Variants in NOX3 observed in about 807,000 individuals in gnomAD.
NOX3 encodes the protein NADPH oxidase catalytic subunit-like 3.
Under a neutral mutation model 76.7 loss-of-function variants are expected in NOX3, and 74 were observed. The observed-to-expected ratio is 0.96, with a 90% CI of 0.80 to 1.17. The LOEUF (loss-of-function observed/expected upper bound fraction) is 1.17, where lower values mean the gene tolerates loss of function less well. Among genes scored for constraint, NOX3 ranks in the 50% most tolerant of loss-of-function variants. NOX3 has a pLI of 0.00. For missense variants in NOX3, 695 were observed against 703.3 expected (o/e 0.99, Z 0.13); for synonymous variants, 263 against 261.1 (o/e 1.01, Z -0.07).
chr6:155,405,842 C>T (rs891598412), intron 12 of NOX3, among the ~76,000 whole-genome samples: 6 of 152,222 alleles, frequency 3.9e-5, no homozygotes, highest in South Asian at 2.1e-4. Flanking sequence ...AGGCCCCTCA[C>T]GTTCCATTCT....
intron 10 of NOX3, among the ~76,000 whole-genome samples, chr6:155,413,664 G>A (rs908417103): frequency 2.6e-5 from 4 of 152,044 alleles, no homozygotes; most frequent in African/African-American, 9.7e-5. Context: ...GCCTTGCTTT[G>A]CTCTGGGTGG....
rs935441226 is a variant in NOX3, at chr6:155,455,140, A to T, written c.49-11T>A. ...TCCCAGCCATGAGAGCTAGAGTAGAAAGGAAAGAGAACCAATGATTACTAC... is the reference window on the plus strand; with the variant it reads ...TCCCAGCCATGAGAGCTAGAGTAGATAGGAAAGAGAACCAATGATTACTAC... On this transcript the variant is annotated splice_polypyrimidine_tract_variant and intron_variant, in intron 1 of 13. Transcript: ENST00000159060. The T allele has an allele frequency of 1.9e-6, 3 of 1,561,508 alleles. No homozygotes were observed. The highest frequency in any genetic ancestry group is 2.6e-6 in the Non-Finnish European group (3 of 1,136,318).
chr6:155,433,717 A>C (rs1776865122), intron 7 of NOX3, among the ~76,000 whole-genome samples: 1 of 149,772 alleles, frequency 6.7e-6, no homozygotes, highest in South Asian at 2.1e-4. Flanking sequence ...TGAATGGAGG[A>C]GAAAGTTCAT....
At chr6:155,427,028 T>TGTGTGC (rs796489805) in intron 9 of NOX3, among the ~76,000 whole-genome samples, 18 of 121,782 alleles carry the variant, frequency 1.5e-4, no homozygotes, top group African/African-American at 5.9e-4. Context: ...TGTGTGTGTG[T>TGTGTGC]GCTGGGGGGG....
chr6:155,417,080 C>T (rs939559518), intron 10 of NOX3, among the ~76,000 whole-genome samples: 1 of 151,974 alleles, frequency 6.6e-6, no homozygotes, highest in Non-Finnish European at 1.5e-5. Context: ...AGAATGATTC[C>T]ATAAATTGTG....
intron 7 of NOX3, among the ~76,000 whole-genome samples, chr6:155,432,831 A>T (rs775676650): frequency 2.6e-5 from 4 of 152,220 alleles, no homozygotes; most frequent in Non-Finnish European, 5.9e-5. Context: ...GGTGGTGAAG[A>T]TGAACAGAGT....
In NOX3 at chr6:155,436,430, G is replaced by A; in HGVS notation, c.786C>T (p.Gly262=). The change falls in exon 7 of 14, where the codon GGC becomes GGT. Residue 262 remains glycine (G), a synonymous_variant. Coordinates refer to ENST00000159060, the MANE Select transcript of NOX3 (RefSeq NM_015718.3). ...GGTTCATTCTTACCGAGGGTTCCTTGCCAGAAAATTGAGGCACGGGGCATT... is the reference window on the plus strand; with the variant it reads ...GGTTCATTCTTACCGAGGGTTCCTTACCAGAAAATTGAGGCACGGGGCATT... ...VAQCPVPQFS[G]KEPSAWKWIL... is the part of the protein sequence containing the mutation. 6.2e-7 allele frequency: 1 copy of A among 1,614,018 alleles called. No individual in the cohort carries two copies. Among genetic ancestry groups the A allele is most frequent in the Non-Finnish European group, 8.5e-7 (1 of 1,179,950 alleles).
At chr6:155,411,577 G>C (rs1338579128) in intron 10 of NOX3, among the ~76,000 whole-genome samples, 1 of 152,188 alleles carries the variant, frequency 6.6e-6, no homozygotes, top group African/African-American at 2.4e-5. Flanking sequence ...TGAATTCAGA[G>C]AGTCAGGAGC....
At chr6:155,441,567 A>C (rs1466998008) in intron 5 of NOX3, among the ~76,000 whole-genome samples, 2 of 152,098 alleles carry the variant, frequency 1.3e-5, no homozygotes, top group African/African-American at 2.4e-5. Flanking sequence ...TATAATGTAC[A>C]CTCTGTGTTA....
intron 10 of NOX3, among the ~76,000 whole-genome samples, chr6:155,417,102 C>T (rs1318719069): frequency 6.6e-6 from 1 of 152,108 alleles, no homozygotes; most frequent in African/African-American, 2.4e-5. Flanking sequence ...CCTATCCACA[C>T]TATGGAATAC....
At chr6:155,401,466 A>G (rs1365249332) in intron 12 of NOX3, among the ~76,000 whole-genome samples, 1 of 152,214 alleles carries the variant, frequency 6.6e-6, no homozygotes, top group Non-Finnish European at 1.5e-5. Context: ...TGTATGCTAT[A>G]ATCAGAATGC....
chr6:155,432,098 T>C (rs1459519926), intron 7 of NOX3, among the ~76,000 whole-genome samples: 2 of 152,152 alleles, frequency 1.3e-5, no homozygotes, highest in African/African-American at 2.4e-5. Context: ...ATAATAATTG[T>C]ATATATTCAC....
chr6:155,402,686 C>A (rs1359239672), intron 12 of NOX3, among the ~76,000 whole-genome samples: 1 of 152,144 alleles, frequency 6.6e-6, no homozygotes, highest in Non-Finnish European at 1.5e-5. Context: ...TATAAAAAAT[C>A]TTTTTGCCCC....
intron 7 of NOX3, among the ~76,000 whole-genome samples, chr6:155,431,548 G>A (rs1310325942): frequency 6.6e-6 from 1 of 151,988 alleles, no homozygotes; most frequent in African/African-American, 2.4e-5. Context: ...GAATTGTGAT[G>A]GTGAAAATGT....
chr6:155,455,719 A>G lies in NOX3; in HGVS notation c.48+34T>C, dbSNP rs543604330. 14 of 1,533,698 alleles carry G rather than the reference A, an allele frequency of 9.1e-6. No homozygotes were observed. The South Asian group carries it at 1.6e-4, about 17-fold the overall frequency. ...AAAAATCAAAGACTATTCAATCTAT[A>G]TATTTAAAGTTGAATAACAAAAATG... is the stretch of plus-strand genomic sequence containing the variant. On this transcript the variant is annotated intron_variant, in intron 1 of 13. Transcript: ENST00000159060.
At chr6:155,427,874 C>T (rs1395686843) in intron 9 of NOX3, among the ~76,000 whole-genome samples, 1 of 151,964 alleles carries the variant, frequency 6.6e-6, no homozygotes, top group African/African-American at 2.4e-5. Flanking sequence ...TGTGCCCAGG[C>T]TTTTTCTTTT....
intron 12 of NOX3, among the ~76,000 whole-genome samples, chr6:155,406,279 G>GTAAAAAAAAAAAAAAAAAAAAAAAAAAA (rs1161857756): frequency 6.6e-6 from 1 of 152,182 alleles, no homozygotes; most frequent in Admixed American, 6.5e-5. Flanking sequence ...ACAACACTGT[G>GTAAAAAAAAAAAAAAAAAAAAAAAAAAA]AATGGATATT....
intron 10 of NOX3, among the ~76,000 whole-genome samples, chr6:155,422,019 G>A (rs1043398071): frequency 1.3e-5 from 2 of 152,146 alleles, no homozygotes; most frequent in African/African-American, 2.4e-5. Context: ...TATGCAGGAC[G>A]GCCCAGCACC....
chr6:155,438,665 G>A (rs968626231), intron 6 of NOX3, among the ~76,000 whole-genome samples: 5 of 152,212 alleles, frequency 3.3e-5, no homozygotes, highest in African/African-American at 1.2e-4. Context: ...AAATCCCAAA[G>A]CGTTGTCTGT....
Sources: allele counts gnomAD v4.1 joint callset (sites outside exome capture counted in the v4.1 genomes callset), GRCh38; gene constraint gnomAD v4.1.1; transcripts MANE v1.5; gene names NCBI Gene and HGNC (gene_info 2026-07-23, HGNC 2026-07-21).